The following LRP1B variants were observed in gnomAD, a reference collection of about 807,000 sequenced individuals.
The protein encoded by LRP1B is LDL receptor related protein 1B, also known as low-density lipoprotein receptor-related protein 1B.
Under a neutral mutation model 556.6 loss-of-function variants are expected in LRP1B, and 217 were observed. That is an observed-to-expected ratio of 0.39 (90% confidence interval 0.35 to 0.44). The LOEUF is 0.44. Among genes scored for constraint, LRP1B ranks in the 20% least tolerant of loss-of-function variants. The pLI is 1.00. For synonymous variants in LRP1B, 2,047 were observed against 1,865.8 expected, an observed-to-expected ratio of 1.10 and a Z score of -2.50; for missense variants, 5,053 against 5,620.8, an observed-to-expected ratio of 0.90 and a Z score of 3.23.
chr2:141,314,845 CACATATATATACAT>C (rs1686949415), intron 3 of LRP1B, among the ~76,000 whole-genome samples: 5 of 113,840 alleles, frequency 4.4e-5, no homozygotes, highest in Admixed American at 1.8e-4. Context: ...TATATATATA[CACATATATATACAT>C]ATATATACAT....
At position 141,486,141 on chromosome 2, in the gene LRP1B, C is replaced by CA. The variant is rs1559098857; in HGVS notation, c.206-5609dup. On this transcript the variant is annotated intron_variant, in intron 2 of 90. Coordinates refer to ENST00000389484, the MANE Select transcript of LRP1B (RefSeq NM_018557.3). ...TAAATCTAAATGTAGGTGACCTAAG[C>CA]AAGATAGCAAAATTGAAAATGTAAT... Among the ~76,000 whole-genome samples, 5 of 152,134 alleles carry CA rather than the reference C, an allele frequency of 3.3e-5. No individual in the cohort carries two copies. The South Asian group carries it at 1.0e-3, about 32-fold the overall frequency.
chr2:141,237,083 G>T (rs1324434771), intron 5 of LRP1B, among the ~76,000 whole-genome samples: 1 of 152,188 alleles, frequency 6.6e-6, no homozygotes, highest in South Asian at 2.1e-4. Flanking sequence ...AAAGTAGGAG[G>T]TGTTGAAATC....
intron 5 of LRP1B, among the ~76,000 whole-genome samples, chr2:141,236,485 A>G (rs1047508829): frequency 6.3e-4 from 96 of 152,190 alleles, no homozygotes; most frequent in Non-Finnish European, 4.4e-5. Flanking sequence ...GATGTTAGAC[A>G]AAGTATGCAA....
chr2:140,307,189 C>T (rs1033193566), intron 83 of LRP1B, among the ~76,000 whole-genome samples: 4 of 151,838 alleles, frequency 2.6e-5, no homozygotes, highest in Non-Finnish European at 5.9e-5. Flanking sequence ...AATAAAGTCA[C>T]GTTTGATATT....
At chr2:140,652,750 T>A (rs1393786488) in intron 41 of LRP1B, among the ~76,000 whole-genome samples, 2 of 152,172 alleles carry the variant, frequency 1.3e-5, no homozygotes, top group South Asian at 2.1e-4. Context: ...CAGTACCATA[T>A]TTAGTTGAAA....
At chr2:140,481,557 G>T (rs886762429) in intron 59 of LRP1B, among the ~76,000 whole-genome samples, 4 of 148,860 alleles carry the variant, frequency 2.7e-5, no homozygotes, top group African/African-American at 9.8e-5. Context: ...CTCAAAAAAT[G>T]CTATAGAAAT....
chr2:141,330,037 C>A (rs2683849), intron 3 of LRP1B, among the ~76,000 whole-genome samples: 89,366 of 151,586 alleles, frequency 0.59, 27,382 homozygotes, highest in African/African-American at 0.71. Flanking sequence ...AGGTTATTCT[C>A]TATTTTGAAT....
intron 18 of LRP1B, among the ~76,000 whole-genome samples, chr2:140,965,511 T>C (rs1050552989): frequency 5.3e-5 from 8 of 151,688 alleles, no homozygotes; most frequent in African/African-American, 1.5e-4. Context: ...ATGTAAATAA[T>C]AGTTATATAA....
intron 2 of LRP1B, among the ~76,000 whole-genome samples, chr2:141,500,337 G>T (rs1683668405): frequency 6.6e-6 from 1 of 151,988 alleles, no homozygotes; most frequent in Non-Finnish European, 1.5e-5. Context: ...CACTACTTTG[G>T]ACTTTCACTT....
At chr2:141,592,642 T>C (rs1687381087) in intron 2 of LRP1B, among the ~76,000 whole-genome samples, 3 of 152,276 alleles carry the variant, frequency 2.0e-5, no homozygotes, top group South Asian at 4.1e-4. Flanking sequence ...ATCTTGTGAC[T>C]TAGGACTTCC....
chr2:141,788,223 CA>C (rs910103739), intron 2 of LRP1B, among the ~76,000 whole-genome samples: 2 of 151,984 alleles, frequency 1.3e-5, no homozygotes, highest in Non-Finnish European at 2.9e-5. Context: ...TTGAGCTACA[CA>C]CCGTCTGAAA....
intron 3 of LRP1B, among the ~76,000 whole-genome samples, chr2:141,400,125 C>T (rs142920847): frequency 5.3e-5 from 8 of 151,998 alleles, no homozygotes; most frequent in African/African-American, 1.9e-4. Flanking sequence ...GCATGCTGGG[C>T]GCATGCCACC....
intron 2 of LRP1B, among the ~76,000 whole-genome samples, chr2:141,798,466 T>TG (rs1558882848): frequency 6.6e-6 from 1 of 151,796 alleles, no homozygotes; most frequent in Non-Finnish European, 1.5e-5. Flanking sequence ...CCAGCACTTC[T>TG]GGGGGGCCGA....
intron 7 of LRP1B, among the ~76,000 whole-genome samples, chr2:141,096,628 G>GAC (rs1558858128): frequency 1.8e-4 from 6 of 33,640 alleles, no homozygotes; most frequent in Non-Finnish European, 3.7e-4. Flanking sequence ...CGGGGAGAGG[G>GAC]GGAGAGAGAG....
In LRP1B at chr2:141,305,870, A is replaced by G. The variant is rs142528225; in HGVS notation, c.344-51229T>C. Among the ~76,000 whole-genome samples, 67 of 152,230 alleles carry G rather than the reference A, an allele frequency of 4.4e-4. No homozygotes were observed. The East Asian group carries it at 0.012, about 27-fold the overall frequency. ...CACATAGTTTTTGCCCTTCATTCTG[A>G]GAATGTGATGTATGACATTTCTTGA... On this transcript the variant is annotated intron_variant, in intron 3 of 90. Transcript: ENST00000389484.
At chr2:141,764,479 G>A (rs1180383954) in intron 2 of LRP1B, among the ~76,000 whole-genome samples, 5 of 152,268 alleles carry the variant, frequency 3.3e-5, no homozygotes, top group Non-Finnish European at 5.9e-5. Context: ...ACCGCGCCAG[G>A]CACAAGACAG....
At chr2:141,530,312 G>A (rs1464437632) in intron 2 of LRP1B, among the ~76,000 whole-genome samples, 1 of 151,976 alleles carries the variant, frequency 6.6e-6, no homozygotes, top group East Asian at 1.9e-4. Context: ...AGAGAATTAG[G>A]TTTTTACCAA....
At chr2:140,731,723 G>A (rs1335698512) in intron 35 of LRP1B, among the ~76,000 whole-genome samples, 15 of 134,542 alleles carry the variant, frequency 1.1e-4, no homozygotes, top group East Asian at 2.3e-4. Context: ...AGCCGAGACC[G>A]TGCCACTGCA....
chr2:141,431,935 G>A (rs1489926501), intron 3 of LRP1B, among the ~76,000 whole-genome samples: 2 of 151,986 alleles, frequency 1.3e-5, no homozygotes, highest in African/African-American at 4.8e-5. Context: ...TTTTAAATCT[G>A]TATGCTTTTT....
Sources: allele counts gnomAD v4.1 joint callset (sites outside exome capture counted in the v4.1 genomes callset), GRCh38; gene constraint gnomAD v4.1.1; transcripts MANE v1.5; gene names NCBI Gene and HGNC (gene_info 2026-07-23, HGNC 2026-07-21).